SHROOM2: variants seen among roughly 807,000 people sequenced by gnomAD.
The protein encoded by SHROOM2 is shroom family member 2, also known as protein Shroom2.
Under a neutral mutation model 75.9 loss-of-function variants are expected in SHROOM2, and 33 were observed. The observed-to-expected ratio is 0.43, with a 90% CI of 0.33 to 0.58. SHROOM2 has a LOEUF of 0.58. SHROOM2 is among the 20% of genes least tolerant of loss of function. The probability of loss-of-function intolerance (pLI) is 0.04; values close to 1 mark genes in which losing one functional copy is unlikely to be tolerated. For synonymous variants in SHROOM2, 655 were observed against 663.6 expected (o/e 0.99, Z 0.20); for missense variants, 1,434 against 1,461.2 (o/e 0.98, Z 0.30).
chrX:9,900,938 C>T (rs2238881), intron 5 of SHROOM2, among the ~76,000 whole-genome samples: 8,177 of 109,978 alleles, frequency 0.074, 306 homozygotes, highest in East Asian at 0.16. Flanking sequence ...GAAATGCTCT[C>T]TCCTGCTGAC....
chrX:9,837,190 A>G (rs1026061950), intron 1 of SHROOM2, among the ~76,000 whole-genome samples: 1 of 111,833 alleles, frequency 8.9e-6, no homozygotes, highest in African/African-American at 3.3e-5. Context: ...GGCACACGGG[A>G]GGGGGTCTCG....
intron 5 of SHROOM2, among the ~76,000 whole-genome samples, chrX:9,914,094 C>G (rs936592027): frequency 1.0e-5 from 1 of 96,513 alleles, no homozygotes; most frequent in East Asian, 3.3e-4. Flanking sequence ...GCCCCGATCA[C>G]CACCAACCCA....
intron 6 of SHROOM2, among the ~76,000 whole-genome samples, chrX:9,935,229 CG>C (rs948391403): frequency 9.1e-6 from 1 of 110,253 alleles, no homozygotes; most frequent in African/African-American, 3.3e-5. Flanking sequence ...TCCCGGGAGC[CG>C]GGGGGGCGGG....
At position 9,901,605 on chromosome X, in the gene SHROOM2, A is replaced by C. The variant is rs1041577353; in HGVS notation, c.2891+3315A>C. ...CCTGTCTGGAGGGTTCCTTGGCACC[A>C]TGCAACTGAAGGCTGACAGCTCTGC... is the stretch of plus-strand genomic sequence containing the variant. On this transcript the variant is annotated intron_variant, in intron 5 of 9. Coordinates refer to ENST00000380913, the MANE Select transcript of SHROOM2 (RefSeq NM_001649.4). Among the ~76,000 whole-genome samples the C allele has an allele frequency of 5.4e-5, 6 of 112,094 alleles. No homozygotes were observed. In the Admixed American group the frequency reaches 5.7e-4, roughly 11 times the overall value.
intron 1 of SHROOM2, among the ~76,000 whole-genome samples, chrX:9,861,722 T>C (rs1030631612): frequency 8.9e-6 from 1 of 112,321 alleles, no homozygotes; most frequent in Non-Finnish European, 1.9e-5. Flanking sequence ...GACAACCAGC[T>C]CTTACCACCA....
intron 2 of SHROOM2, among the ~76,000 whole-genome samples, chrX:9,877,425 T>C (rs2084206951): frequency 9.0e-6 from 1 of 111,612 alleles, no homozygotes; most frequent in African/African-American, 3.3e-5. Context: ...GAGGAGAGGC[T>C]GAGGCTGGCA....
rs139534562 is a variant in SHROOM2, at chrX:9,901,305, A to G, written c.2891+3015A>G. 4.9e-3 allele frequency among the ~76,000 whole-genome samples: 553 copies of G among 112,070 alleles called. 8 individuals carry two copies. Among genetic ancestry groups the G allele is most frequent in the African/African-American group, 0.017 (523 of 30,858 alleles). Reference sequence around the variant, plus strand: ...AATACAGTCACATTCTGAGATACTAAGAGTTATGGCTTCAGCACATTGATT... The same window carrying G: ...AATACAGTCACATTCTGAGATACTAGGAGTTATGGCTTCAGCACATTGATT... On this transcript the variant is annotated intron_variant, in intron 5 of 9. Coordinates refer to ENST00000380913, the MANE Select transcript of SHROOM2 (RefSeq NM_001649.4).
chrX:9,883,948 C>G (rs981326360), intron 2 of SHROOM2, among the ~76,000 whole-genome samples: 4 of 111,600 alleles, frequency 3.6e-5, no homozygotes, highest in African/African-American at 1.3e-4. Flanking sequence ...GGCTTCCCAT[C>G]CTGGACCGGT....
At chrX:9,795,187 G>A (rs926082672) in intron 1 of SHROOM2, among the ~76,000 whole-genome samples, 6 of 109,038 alleles carry the variant, frequency 5.5e-5, no homozygotes, top group Non-Finnish European at 7.6e-5. Context: ...TCACAGGCAC[G>A]GTTATAGCCA....
At chrX:9,879,364 G>T (rs2084219169) in intron 2 of SHROOM2, among the ~76,000 whole-genome samples, 1 of 112,017 alleles carries the variant, frequency 8.9e-6, no homozygotes, top group Non-Finnish European at 1.9e-5. Flanking sequence ...GGGTTCAAGC[G>T]ATTCTCGTGC....
In SHROOM2 at chrX:9,894,593, A is replaced by G. The variant is rs992256244; in HGVS notation, c.685A>G (p.Thr229Ala). 6.6e-6 allele frequency: 8 copies of G among 1,210,258 alleles called. No individual in the cohort carries two copies. The highest frequency in any genetic ancestry group is 7.8e-6 in the Non-Finnish European group (7 of 895,214). ...TGACCACACCTTGTCCAAAGCCGAC[A>G]CGTCCTCCGCAGAGAACATCCTCTA... is the stretch of plus-strand genomic sequence containing the variant. ...TPDHTLSKAD[T>A]SSAENILYTV... Residue 229 changes from threonine to alanine, a missense_variant, in exon 4 of 10, where the codon ACG (threonine) becomes GCG (alanine). Transcript: ENST00000380913.
chrX:9,846,469 G>A (rs779480461), intron 1 of SHROOM2, among the ~76,000 whole-genome samples: 6 of 111,266 alleles, frequency 5.4e-5, no homozygotes, highest in Admixed American at 1.9e-4. Flanking sequence ...TAATTTTTTT[G>A]TATTTTTAGT....
chrX:9,904,663 G>A (rs971099385), intron 5 of SHROOM2, among the ~76,000 whole-genome samples: 1 of 112,305 alleles, frequency 8.9e-6, no homozygotes, highest in African/African-American at 3.2e-5. Flanking sequence ...CAGCCTCTGG[G>A]CCGACCTTGG....
intron 7 of SHROOM2, among the ~76,000 whole-genome samples, chrX:9,938,722 T>C (rs1160156536): frequency 1.8e-5 from 2 of 112,007 alleles, no homozygotes; most frequent in Non-Finnish European, 3.8e-5. Context: ...CAGCACAGCG[T>C]CATTCATGGG....
chrX:9,807,598 A>G (rs2083761698), intron 1 of SHROOM2, among the ~76,000 whole-genome samples: 1 of 112,400 alleles, frequency 8.9e-6, no homozygotes, highest in Admixed American at 9.4e-5. Context: ...CGAGTTCAGG[A>G]CTGCATGCTG....
chrX:9,836,894 C>T (rs983404974), intron 1 of SHROOM2, among the ~76,000 whole-genome samples: 3 of 112,245 alleles, frequency 2.7e-5, no homozygotes, highest in Non-Finnish European at 5.6e-5. Context: ...CACCACAGCC[C>T]CAGGCAACCA....
chrX:9,859,312 T>C lies in SHROOM2; in HGVS notation c.166-14340T>C, dbSNP rs951449121. On this transcript the variant is annotated intron_variant, in intron 1 of 9. Coordinates refer to ENST00000380913, the MANE Select transcript of SHROOM2 (RefSeq NM_001649.4). ...TTTAGACAACGTCGCTTATGTTCGATGATTCTTTTTCTCTCTGTTCATCCT... is the reference window on the plus strand; with the variant it reads ...TTTAGACAACGTCGCTTATGTTCGACGATTCTTTTTCTCTCTGTTCATCCT... Among the ~76,000 whole-genome samples, 15 of 112,705 alleles carry C rather than the reference T, an allele frequency of 1.3e-4. 1 individual carries two copies. The highest frequency in any genetic ancestry group is 8.4e-4 in the Admixed American group (9 of 10,659).
At chrX:9,801,088 A>G (rs2083721911) in intron 1 of SHROOM2, among the ~76,000 whole-genome samples, 1 of 111,776 alleles carries the variant, frequency 8.9e-6, no homozygotes, top group Admixed American at 9.5e-5. Context: ...GGGAGGCCTC[A>G]CCATCATGGC....
At chrX:9,852,636 C>T (rs1473230408) in intron 1 of SHROOM2, among the ~76,000 whole-genome samples, 3 of 112,907 alleles carry the variant, frequency 2.7e-5, no homozygotes, top group Non-Finnish European at 5.6e-5. Flanking sequence ...CGCCCACTTT[C>T]CCCCTGGGAT....
Sources: allele counts gnomAD v4.1 joint callset (sites outside exome capture counted in the v4.1 genomes callset), GRCh38; gene constraint gnomAD v4.1.1; transcripts MANE v1.5; gene names NCBI Gene and HGNC (gene_info 2026-07-23, HGNC 2026-07-21).